DNAH11: variants seen among roughly 807,000 people sequenced by gnomAD.
DNAH11 encodes axonemal beta dynein heavy chain 11.
A neutral mutation model predicts 526.0 loss-of-function variants in DNAH11; 442 were observed. The observed-to-expected ratio is 0.84, with a 90% confidence interval of 0.78 to 0.91. The LOEUF is 0.91. DNAH11 is among the 40% of genes least tolerant of loss of function. The pLI, the probability that DNAH11 is intolerant of heterozygous loss-of-function variation, is 0.00. For synonymous variants in DNAH11, 2,461 were observed against 1,935.9 expected, an observed-to-expected ratio of 1.27 and a Z score of -7.12; for missense variants, 6,989 against 5,448.7, an observed-to-expected ratio of 1.28 and a Z score of -8.90.
intron 65 of DNAH11, among the ~76,000 whole-genome samples, chr7:21,822,415 G>T (rs948222029): frequency 6.6e-6 from 1 of 152,132 alleles, no homozygotes; most frequent in Admixed American, 6.6e-5. Flanking sequence ...ATTCATGAGA[G>T]ATCTGCCCCC....
At chr7:21,792,416 C>T (rs1461353264) in intron 61 of DNAH11, among the ~76,000 whole-genome samples, 1 of 152,160 alleles carries the variant, frequency 6.6e-6, no homozygotes, top group Non-Finnish European at 1.5e-5. Context: ...ATGCAGGTCT[C>T]ATCAAATGAG....
intron 12 of DNAH11, 116 bp from the exon 13 acceptor site, chr7:21,590,802 G>T: frequency 3.1e-6 from 2 of 640,006 alleles, no homozygotes; most frequent in Non-Finnish European, 4.7e-6. Flanking sequence ...TATTTACCTT[G>T]ATTTGGAAAT....
chr7:21,670,153 T>G (rs1782588070), intron 30 of DNAH11, among the ~76,000 whole-genome samples: 1 of 152,118 alleles, frequency 6.6e-6, no homozygotes, highest in Non-Finnish European at 1.5e-5. Context: ...ATTATGGTTC[T>G]TATAACCCAA....
chr7:21,786,900 G>C, intron 59 of DNAH11, 133 bp downstream of exon 59: 1 of 1,316,752 alleles, frequency 7.6e-7, no homozygotes, highest in Non-Finnish European at 1.0e-6. Flanking sequence ...GTAATCTACT[G>C]TATATGTTCT....
chr7:21,629,870 A>C (rs776627868), intron 25 of DNAH11, among the ~76,000 whole-genome samples: 7 of 152,052 alleles, frequency 4.6e-5, no homozygotes, highest in Non-Finnish European at 7.4e-5. Context: ...TTCTTTAGCT[A>C]TTCAGCCACT....
intron 30 of DNAH11, among the ~76,000 whole-genome samples, chr7:21,669,370 C>G (rs1189876682): frequency 6.6e-6 from 1 of 152,102 alleles, no homozygotes; most frequent in Non-Finnish European, 1.5e-5. Flanking sequence ...GTAGGTCTTG[C>G]TATGTTTCCC....
At chr7:21,563,029 C>T (rs1288972695) in intron 5 of DNAH11, among the ~76,000 whole-genome samples, 1 of 152,038 alleles carries the variant, frequency 6.6e-6, no homozygotes, top group Non-Finnish European at 1.5e-5. Flanking sequence ...GTTCTCAGTT[C>T]CTCAAGGGTA....
chr7:21,671,324 A>T (rs1038736546), intron 30 of DNAH11, among the ~76,000 whole-genome samples: 1 of 152,204 alleles, frequency 6.6e-6, no homozygotes, highest in South Asian at 2.1e-4. Context: ...TCACATCACG[A>T]TGGCAGAGTG....
At chr7:21,845,422 C>G (rs1005946593) in intron 66 of DNAH11, among the ~76,000 whole-genome samples, 2 of 151,892 alleles carry the variant, frequency 1.3e-5, no homozygotes, top group Non-Finnish European at 2.9e-5. Flanking sequence ...CATTCTTTTG[C>G]CTGTGGCTAT....
At chr7:21,857,711 A>G (rs1350600809) in intron 68 of DNAH11, among the ~76,000 whole-genome samples, 3 of 152,162 alleles carry the variant, frequency 2.0e-5, no homozygotes, top group Non-Finnish European at 4.4e-5. Flanking sequence ...AGGGGTGCCA[A>G]GACAATTCAA....
At chr7:21,740,513 T>C (rs1785832619) in intron 48 of DNAH11, among the ~76,000 whole-genome samples, 1 of 152,238 alleles carries the variant, frequency 6.6e-6, no homozygotes, top group Non-Finnish European at 1.5e-5. Context: ...TCACTTAGCA[T>C]AATGTCTAGG....
chr7:21,589,127 T>C (rs1784583181), intron 11 of DNAH11, 81 bp from the exon 12 acceptor site: 2 of 1,037,584 alleles, frequency 1.9e-6, no homozygotes, highest in Non-Finnish European at 1.3e-6. Context: ...TTATATTTTA[T>C]ATATTGTATT....
chr7:21,752,695 TTTTTTA>T (rs796784230), intron 54 of DNAH11, among the ~76,000 whole-genome samples: 86 of 152,224 alleles, frequency 5.6e-4, no homozygotes, highest in African/African-American at 2.1e-3. Context: ...ATCTTTTTTA[TTTTTTA>T]TTTTTATTTA....
rs116368970 is a variant in DNAH11, at chr7:21,801,127, T to C, written c.10027-10T>C. 1,417 of 1,600,040 alleles carry C rather than the reference T, an allele frequency of 8.9e-4. 12 individuals carry two copies. The African/African-American group carries it at 0.015, about 17-fold the overall frequency. ...AAAATGACTCAAAAGTTAATTCAAC[T>C]CTGATTCAGGATCTGGATCGAAATC... On this transcript the variant is annotated splice_polypyrimidine_tract_variant and intron_variant, in intron 61 of 81. Transcript: ENST00000409508.
intron 51 of DNAH11, 73 bp from the exon 52 acceptor site, chr7:21,748,506 TA>T: frequency 7.7e-7 from 1 of 1,293,220 alleles, no homozygotes; most frequent in East Asian, 3.0e-5. Context: ...AATAAATAAA[TA>T]AAAATAAACA....
intron 8 of DNAH11, among the ~76,000 whole-genome samples, chr7:21,577,408 T>C (rs1784137338): frequency 6.6e-6 from 1 of 152,184 alleles, no homozygotes; most frequent in African/African-American, 2.4e-5. Flanking sequence ...TAGGGAGCCA[T>C]GATTTTCATC....
At chr7:21,737,629 A>G (rs775559549) in intron 46 of DNAH11, among the ~76,000 whole-genome samples, 2 of 152,174 alleles carry the variant, frequency 1.3e-5, no homozygotes, top group Non-Finnish European at 2.9e-5. Context: ...GGAGGTGGCA[A>G]GTTGGGAACA....
chr7:21,610,781 A>G lies in DNAH11; in HGVS notation c.3852+4048A>G, dbSNP rs142825226. ...ATTGGAAAGAGAATTAGTGAAATAC[A>G]AATTACATTGGAGGAAATCACTTAG... is the stretch of plus-strand genomic sequence containing the variant. On this transcript the variant is annotated intron_variant, in intron 20 of 81. Coordinates refer to ENST00000409508, the MANE Select transcript of DNAH11 (RefSeq NM_001277115.2). Among the ~76,000 whole-genome samples, 229 of 152,328 alleles carry G rather than the reference A, an allele frequency of 1.5e-3. 1 individual carries two copies. The highest frequency in any genetic ancestry group is 5.2e-3 in the African/African-American group (218 of 41,570).
At chr7:21,832,847 A>T (rs1781843375) in intron 65 of DNAH11, among the ~76,000 whole-genome samples, 1 of 152,188 alleles carries the variant, frequency 6.6e-6, no homozygotes, top group Admixed American at 6.5e-5. Flanking sequence ...CAAAGCCTAA[A>T]ATATTTACTC....
Sources: gnomAD v4.1 joint callset for allele counts (sites outside exome capture counted in the v4.1 genomes callset) on GRCh38, gnomAD v4.1.1 for gene constraint, MANE v1.5 for transcripts, NCBI Gene and HGNC (gene_info 2026-07-23, HGNC 2026-07-21) for gene names.